Variants in RASAL2 observed in about 807,000 individuals in gnomAD.
RASAL2 encodes the protein RAS protein activator like 2, also known as ras GTPase-activating protein nGAP.
RASAL2 carries 58 observed loss-of-function variants against 128.9 expected under a neutral mutation model. That is an observed-to-expected ratio of 0.45 (90% confidence interval 0.36 to 0.56). The LOEUF (loss-of-function observed/expected upper bound fraction) is 0.56, where lower values mean the gene tolerates loss of function less well. RASAL2 is among the 20% of genes least tolerant of loss of function. The probability of loss-of-function intolerance (pLI) is 0.00; values close to 1 mark genes in which losing one functional copy is unlikely to be tolerated. For missense variants in RASAL2, 1,360 were observed against 1,601.6 expected, an observed-to-expected ratio of 0.85 and a Z score of 2.57; for synonymous variants, 561 against 580.8, an observed-to-expected ratio of 0.97 and a Z score of 0.49.
chr1:178,422,461 C>T (rs1332358496), intron 5 of RASAL2, among the ~76,000 whole-genome samples: 1 of 152,022 alleles, frequency 6.6e-6, no homozygotes, highest in Non-Finnish European at 1.5e-5. Flanking sequence ...TTATCAACTC[C>T]ATTTGAATTG....
chr1:178,220,413 C>T (rs1034168128), intron 1 of RASAL2, among the ~76,000 whole-genome samples: 1 of 151,874 alleles, frequency 6.6e-6, no homozygotes, highest in Admixed American at 6.6e-5. Flanking sequence ...TTTGTGGTGC[C>T]CCCAAACAAT....
chr1:178,379,543 C>T (rs2102555088), intron 3 of RASAL2, among the ~76,000 whole-genome samples: 1 of 152,316 alleles, frequency 6.6e-6, no homozygotes, highest in South Asian at 2.1e-4. Context: ...AATGTCAAAG[C>T]ACACTTGCGT....
chr1:178,354,228 C>G (rs1307526997), intron 3 of RASAL2, among the ~76,000 whole-genome samples: 1 of 152,028 alleles, frequency 6.6e-6, no homozygotes, highest in Non-Finnish European at 1.5e-5. Context: ...GAATAGTTTA[C>G]CATTAATGAA....
intron 4 of RASAL2, among the ~76,000 whole-genome samples, chr1:178,410,013 GATAGCTAATCATTA>G (rs538496753): frequency 3.7e-4 from 56 of 152,236 alleles, no homozygotes; most frequent in African/African-American, 1.2e-3. Flanking sequence ...TGTTATTTTG[GATAGCTAATCATTA>G]AGAAAATGGA....
chr1:178,317,131 A>C (rs1668525173), intron 3 of RASAL2, among the ~76,000 whole-genome samples: 1 of 129,122 alleles, frequency 7.7e-6, no homozygotes, highest in Non-Finnish European at 1.6e-5. Context: ...CTTGCATCCC[A>C]GCGATGAAGC....
In RASAL2 at chr1:178,162,390, A is replaced by G. The variant is rs1156381336; in HGVS notation, c.202+67696A>G. Among the ~76,000 whole-genome samples the G allele has an allele frequency of 1.7e-3, 203 of 116,354 alleles. 1 individual carries two copies. The highest frequency in any genetic ancestry group is 6.5e-3 in the African/African-American group (196 of 29,932). The allele number at this position is 116,354 out of a possible 152,430, so 76.3% of individuals were successfully genotyped here. On this transcript the variant is annotated intron_variant, in intron 1 of 17. Transcript: ENST00000367649. Reference sequence around the variant, plus strand: ...CATATAATATATATTTATATATTATATATATTATATATTTTATATATTATA... The same window carrying G: ...CATATAATATATATTTATATATTATGTATATTATATATTTTATATATTATA...
At chr1:178,185,203 C>T (rs1662248783) in intron 1 of RASAL2, among the ~76,000 whole-genome samples, 1 of 151,248 alleles carries the variant, frequency 6.6e-6, no homozygotes, top group Non-Finnish European at 1.5e-5. Context: ...TATCCTGTGA[C>T]CTTGCTATAA....
chr1:178,267,987 T>C (rs1666055347), intron 1 of RASAL2, among the ~76,000 whole-genome samples: 1 of 152,016 alleles, frequency 6.6e-6, no homozygotes, highest in Non-Finnish European at 1.5e-5. Flanking sequence ...CTTGCTTTGT[T>C]CAAGCATATC....
At chr1:178,249,244 A>G (rs1664929491) in intron 1 of RASAL2, among the ~76,000 whole-genome samples, 2 of 151,028 alleles carry the variant, frequency 1.3e-5, no homozygotes, top group African/African-American at 4.9e-5. Context: ...GTTCCTTTTC[A>G]TTCTTTTTTC....
At chr1:178,415,707 A>G (rs1182098495) in intron 4 of RASAL2, among the ~76,000 whole-genome samples, 2 of 151,978 alleles carry the variant, frequency 1.3e-5, no homozygotes, top group African/African-American at 2.4e-5. Context: ...TCTCCTAGCA[A>G]CTCTTACCAG....
At chr1:178,369,284 C>G (rs185022209) in intron 3 of RASAL2, among the ~76,000 whole-genome samples, 1 of 151,982 alleles carries the variant, frequency 6.6e-6, no homozygotes, top group Non-Finnish European at 1.5e-5. Context: ...TGCAGTGGCG[C>G]GATCTCGGCT....
At chr1:178,246,667 A>G (rs1447515755) in intron 1 of RASAL2, among the ~76,000 whole-genome samples, 5 of 152,098 alleles carry the variant, frequency 3.3e-5, no homozygotes, top group African/African-American at 1.2e-4. Flanking sequence ...GAATGCTTCC[A>G]GTTTTTGCCC....
At chr1:178,248,775 T>G (rs893859415) in intron 1 of RASAL2, among the ~76,000 whole-genome samples, 4 of 152,154 alleles carry the variant, frequency 2.6e-5, no homozygotes, top group African/African-American at 9.7e-5. Flanking sequence ...CTGTAAAGGA[T>G]TTTATTTCTC....
chr1:178,239,495 T>C (rs1664399504), intron 1 of RASAL2, among the ~76,000 whole-genome samples: 1 of 152,102 alleles, frequency 6.6e-6, no homozygotes, highest in African/African-American at 2.4e-5. Flanking sequence ...ACTCACAATA[T>C]GTGTAAAATA....
chr1:178,134,806 A>G (rs984832521), intron 1 of RASAL2, among the ~76,000 whole-genome samples: 1 of 152,250 alleles, frequency 6.6e-6, no homozygotes, highest in African/African-American at 2.4e-5. Flanking sequence ...AAGACAAAGT[A>G]CAATCAAATC....
At chr1:178,214,904 A>T (rs1335123681) in intron 1 of RASAL2, among the ~76,000 whole-genome samples, 5 of 152,158 alleles carry the variant, frequency 3.3e-5, no homozygotes, top group African/African-American at 1.2e-4. Context: ...TAGTAAAGCT[A>T]TCTGGTCTCC....
At chr1:178,259,986 C>T (rs1665588670) in intron 1 of RASAL2, among the ~76,000 whole-genome samples, 1 of 152,012 alleles carries the variant, frequency 6.6e-6, no homozygotes, top group Non-Finnish European at 1.5e-5. Context: ...TTATTTTAGA[C>T]CTAATGATCT....
At chr1:178,422,242 G>C (rs1675199382) in intron 5 of RASAL2, among the ~76,000 whole-genome samples, 1 of 151,864 alleles carries the variant, frequency 6.6e-6, no homozygotes, top group Non-Finnish European at 1.5e-5. Context: ...GGAATTGTTT[G>C]ATTGAATTAC....
intron 5 of RASAL2, among the ~76,000 whole-genome samples, chr1:178,433,819 A>T (rs1459636075): frequency 6.6e-6 from 1 of 152,088 alleles, no homozygotes; most frequent in Non-Finnish European, 1.5e-5. Flanking sequence ...TGGGAAGTTG[A>T]GGCACCAGAA....
Sources: gnomAD v4.1 joint callset for allele counts (sites outside exome capture counted in the v4.1 genomes callset) on GRCh38, gnomAD v4.1.1 for gene constraint, MANE v1.5 for transcripts, NCBI Gene and HGNC (gene_info 2026-07-23, HGNC 2026-07-21) for gene names.